Variants in XKR6 observed in about 807,000 individuals in gnomAD.
XKR6 encodes the protein XK related 6, also known as XK-related protein 6.
XKR6 carries 22 observed loss-of-function variants against 56.7 expected under a neutral mutation model. The observed-to-expected ratio is 0.39, with a 90% CI of 0.28 to 0.55. XKR6 has a LOEUF of 0.55. XKR6 is among the 20% of genes least tolerant of loss of function. The pLI, the probability that XKR6 is intolerant of heterozygous loss-of-function variation, is 0.66. For missense variants in XKR6, 852 were observed against 889.0 expected (o/e 0.96, Z 0.53); for synonymous variants, 524 against 387.8 (o/e 1.35, Z -4.13).
At chr8:11,098,558 C>T (rs1167664926) in intron 1 of XKR6, among the ~76,000 whole-genome samples, 1 of 152,070 alleles carries the variant, frequency 6.6e-6, no homozygotes, top group African/African-American at 2.4e-5. Flanking sequence ...AGAACTATGC[C>T]GAAAAGCTTT....
At chr8:10,968,679 C>G (rs1563318157) in intron 1 of XKR6, among the ~76,000 whole-genome samples, 1 of 151,676 alleles carries the variant, frequency 6.6e-6, no homozygotes, top group Non-Finnish European at 1.5e-5. Context: ...CTACCTGACC[C>G]CATCGGATAA....
chr8:11,080,883 ATAT>A (rs1195960140), intron 1 of XKR6, among the ~76,000 whole-genome samples: 1 of 152,208 alleles, frequency 6.6e-6, no homozygotes, highest in Non-Finnish European at 1.5e-5. Flanking sequence ...GAGAATAGAG[ATAT>A]TATCACCTCC....
In XKR6 at chr8:10,954,866, C is replaced by CTTTTTTTTT. The variant is rs34248780; in HGVS notation, c.765-30045_765-30037dup. Among the ~76,000 whole-genome samples, 165 of 92,774 alleles carry CTTTTTTTTT rather than the reference C, an allele frequency of 1.8e-3. 11 individuals carry two copies. The highest frequency in any genetic ancestry group is 6.7e-3 in the African/African-American group (155 of 23,244). The allele number at this position is 92,774 out of a possible 152,430, so 60.9% of individuals were successfully genotyped here. On this transcript the variant is annotated intron_variant, in intron 1 of 2. Coordinates refer to ENST00000416569, the MANE Select transcript of XKR6 (RefSeq NM_173683.4). ...TAAGGTAAGGGTCTAACTTCATTCT[C>CTTTTTTTTT]TTTTTTTTTTTTTTTTTTTTAGACA... is the stretch of plus-strand genomic sequence containing the variant.
intron 1 of XKR6, among the ~76,000 whole-genome samples, chr8:11,109,912 T>G (rs534438878): frequency 1.3e-5 from 2 of 152,184 alleles, no homozygotes; most frequent in African/African-American, 4.8e-5. Flanking sequence ...AAACAGCCAA[T>G]AGAGGTTCAG....
At position 11,178,574 on chromosome 8, in the gene XKR6, G is replaced by A. The variant is rs61653525; in HGVS notation, c.764+22002C>T. Among the ~76,000 whole-genome samples the A allele has an allele frequency of 5.3e-3, 540 of 102,204 alleles. 4 individuals carry two copies. The highest frequency in any genetic ancestry group is 0.014 in the South Asian group (41 of 3,020). 67.0% of individuals were successfully genotyped at this position (102,204 alleles called of 152,430 possible). A position where few individuals can be genotyped will look rare whatever the true frequency, so the allele number is the denominator to read the frequency against. On this transcript the variant is annotated intron_variant, in intron 1 of 2. Transcript: ENST00000416569. Reference sequence around the variant, plus strand: ...TATATATATATATATATATATATATGTATATATATATGTACTACACACACA... The same window carrying A: ...TATATATATATATATATATATATATATATATATATATGTACTACACACACA...
intron 1 of XKR6, chr8:11,194,376 A>C (rs1803752396): frequency 6.6e-6 from 1 of 152,212 alleles, no homozygotes; most frequent in African/African-American, 2.4e-5. Flanking sequence ...CGCTTTTCTT[A>C]AGTATCTCCA....
chr8:11,076,006 T>C (rs1449978185), intron 1 of XKR6, among the ~76,000 whole-genome samples: 1 of 152,194 alleles, frequency 6.6e-6, no homozygotes, highest in East Asian at 1.9e-4. Flanking sequence ...AAACCCAACA[T>C]GGTCCATCCA....
intron 1 of XKR6, among the ~76,000 whole-genome samples, chr8:11,157,412 G>A (rs2116998024): frequency 6.6e-6 from 1 of 152,252 alleles, no homozygotes; most frequent in South Asian, 2.1e-4. Context: ...CTGATGAGGT[G>A]TATATGGATA....
At chr8:10,996,575 A>G (rs1360193845) in intron 1 of XKR6, among the ~76,000 whole-genome samples, 2 of 152,046 alleles carry the variant, frequency 1.3e-5, no homozygotes, top group African/African-American at 4.8e-5. Context: ...CCCAGCTCCA[A>G]TCTCTTAGGT....
chr8:11,144,677 G>A (rs1800889132), intron 1 of XKR6, among the ~76,000 whole-genome samples: 2 of 152,078 alleles, frequency 1.3e-5, no homozygotes, highest in South Asian at 2.1e-4. Flanking sequence ...CAAGTATAGG[G>A]TGAGGGCAAA....
chr8:11,095,926 T>C (rs1339030832), intron 1 of XKR6, among the ~76,000 whole-genome samples: 1 of 152,222 alleles, frequency 6.6e-6, no homozygotes, highest in African/African-American at 2.4e-5. Context: ...AAACTAACTT[T>C]AATTGTCATT....
intron 1 of XKR6, among the ~76,000 whole-genome samples, chr8:10,998,830 G>C (rs935193806): frequency 6.6e-6 from 1 of 152,208 alleles, no homozygotes; most frequent in African/African-American, 2.4e-5. Context: ...CACAGATTCT[G>C]TTCCTTCTGC....
intron 1 of XKR6, among the ~76,000 whole-genome samples, chr8:11,167,681 C>A (rs10105182): frequency 0.052 from 7,897 of 152,180 alleles, 682 homozygotes; most frequent in African/African-American, 0.18. Flanking sequence ...GCTTTTTCAC[C>A]TTAGGCTAAA....
intron 2 of XKR6, 68 bp downstream of exon 2, chr8:10,924,566 G>C: frequency 2.0e-6 from 3 of 1,537,822 alleles, no homozygotes; most frequent in South Asian, 1.2e-5. Context: ...CGAAGTGTGT[G>C]GGAGGCGGCC....
intron 1 of XKR6, among the ~76,000 whole-genome samples, chr8:10,968,881 C>T (rs890194644): frequency 2.6e-5 from 4 of 152,248 alleles, no homozygotes; most frequent in Admixed American, 6.5e-5. Context: ...AGCTGACAGC[C>T]GCTCCAGCAG....
At chr8:11,131,425 T>C (rs1800098372) in intron 1 of XKR6, among the ~76,000 whole-genome samples, 3 of 152,212 alleles carry the variant, frequency 2.0e-5, no homozygotes, top group African/African-American at 7.2e-5. Flanking sequence ...TTTGAGTTTT[T>C]CTTTATTTAT....
At chr8:11,114,725 ATATG>A (rs1198499375) in intron 1 of XKR6, among the ~76,000 whole-genome samples, 29 of 77,690 alleles carry the variant, frequency 3.7e-4, no homozygotes, top group South Asian at 1.3e-3. Context: ...CTTAGATCAC[ATATG>A]TGTGTGTGTG....
chr8:10,945,320 CTAA>C (rs1801503086), intron 1 of XKR6, among the ~76,000 whole-genome samples: 1 of 152,158 alleles, frequency 6.6e-6, no homozygotes, highest in Non-Finnish European at 1.5e-5. Flanking sequence ...CCTGTCTCTA[CTAA>C]AACTACAAAA....
intron 1 of XKR6, among the ~76,000 whole-genome samples, chr8:10,982,545 G>T (rs1797758806): frequency 6.6e-6 from 1 of 152,206 alleles, no homozygotes; most frequent in African/African-American, 2.4e-5. Context: ...AGGAACATTA[G>T]TAGCCCTGTT....
Sources: gnomAD v4.1 joint callset for allele counts (sites outside exome capture counted in the v4.1 genomes callset) on GRCh38, gnomAD v4.1.1 for gene constraint, MANE v1.5 for transcripts, NCBI Gene and HGNC (gene_info 2026-07-23, HGNC 2026-07-21) for gene names.